TCTN2: variants seen among roughly 807,000 people sequenced by gnomAD.
The protein encoded by TCTN2 is tectonic family member 2, also known as tectonic-2.
Under a neutral mutation model 83.4 loss-of-function variants are expected in TCTN2, and 66 were observed. The ratio of observed to expected loss-of-function variants is 0.79; its 90% CI spans 0.65 to 0.97. The LOEUF is 0.97. Among genes scored for constraint, TCTN2 ranks in the 50% least tolerant of loss-of-function variants. TCTN2 has a pLI of 0.00. For synonymous variants in TCTN2, 301 were observed against 326.7 expected (o/e 0.92, Z 0.85); for missense variants, 794 against 858.1 (o/e 0.93, Z 0.93).
rs1335976509 is a variant in TCTN2 at position 123,673,704 on chromosome 12, C to A, written c.357C>A (p.Ile119=). ...ETDSFSESPC[I]LQTLLVSASH... ...ATTCCTTCTCAGAGTCCCCCTGTATCCTCCAGACCCTTCTGGTTTCAGCAT... is the reference window on the plus strand; with the variant it reads ...ATTCCTTCTCAGAGTCCCCCTGTATACTCCAGACCCTTCTGGTTTCAGCAT... Residue 119 remains isoleucine (I), a synonymous_variant, in exon 4 of 18, where the codon ATC becomes ATA. Transcript: ENST00000303372. 6.2e-7 allele frequency: 1 copy of A among 1,614,082 alleles called. No individual in the cohort carries two copies. The highest frequency in any genetic ancestry group is 8.5e-7 in the Non-Finnish European group (1 of 1,180,028).
chr12:123,699,903 C>A, intron 14 of TCTN2, 93 bp downstream of exon 14: 2 of 964,944 alleles, frequency 2.1e-6, no homozygotes, highest in Middle Eastern at 2.1e-4. Flanking sequence ...AGTAGGTCAT[C>A]TTCCTGAGGC....
At chr12:123,676,566 T>TAAAAA (rs60100973) in intron 4 of TCTN2, among the ~76,000 whole-genome samples, 1 of 60,720 alleles carries the variant, frequency 1.6e-5, no homozygotes, top group African/African-American at 6.3e-5. Flanking sequence ...AGACTCCATC[T>TAAAAA]AAAAAAAAAA....
In TCTN2 at chr12:123,678,517, A is replaced by C. The variant is rs1955852807; in HGVS notation, c.464-672A>C. Reference sequence around the variant, plus strand: ...TGGCCAGGCTGGTCTTGAACTCCTGACCTCAGGTGATCCACCCACCCTGGC... The same window carrying C: ...TGGCCAGGCTGGTCTTGAACTCCTGCCCTCAGGTGATCCACCCACCCTGGC... On this transcript the variant is annotated intron_variant, in intron 4 of 17. Transcript: ENST00000303372. Among the ~76,000 whole-genome samples the C allele has an allele frequency of 2.0e-5, 3 of 152,064 alleles. No individual in the cohort carries two copies. In the South Asian group the frequency reaches 6.2e-4, roughly 31 times the overall value.
chr12:123,696,171 T>G, intron 11 of TCTN2: 1 of 476,224 alleles, frequency 2.1e-6, no homozygotes, highest in Non-Finnish European at 3.8e-6. Flanking sequence ...GTGATAACAA[T>G]GTATTTTTTT....
chr12:123,698,682 T>C (rs1480694006), intron 13 of TCTN2, among the ~76,000 whole-genome samples: 1 of 152,082 alleles, frequency 6.6e-6, no homozygotes, highest in African/African-American at 2.4e-5. Flanking sequence ...CCTCCTGCCT[T>C]GGCCTCCCAA....
chr12:123,688,342 A>G (rs1324747308), intron 7 of TCTN2, among the ~76,000 whole-genome samples, 165 bp downstream of exon 7: 1 of 151,288 alleles, frequency 6.6e-6, no homozygotes, highest in Non-Finnish European at 1.5e-5. Flanking sequence ...CAGCCTCCCC[A>G]GTAGCTGGGA....
intron 11 of TCTN2, 121 bp from the exon 12 acceptor site, chr12:123,696,294 A>G: frequency 1.2e-6 from 1 of 808,350 alleles, no homozygotes; most frequent in Non-Finnish European, 2.2e-6. Context: ...TCTCAAGGGT[A>G]TTTTCGAAAG....
intron 4 of TCTN2, among the ~76,000 whole-genome samples, chr12:123,674,292 G>A (rs1221150578): frequency 6.6e-6 from 1 of 150,928 alleles, no homozygotes; most frequent in Non-Finnish European, 1.5e-5. Context: ...TTTTTTTTGA[G>A]ATGGAGTCTA....
intron 14 of TCTN2, 25 bp downstream of exon 14, chr12:123,699,835 A>G: frequency 6.3e-7 from 1 of 1,582,470 alleles, no homozygotes; most frequent in Non-Finnish European, 8.7e-7. Flanking sequence ...GGTACAATAA[A>G]GCCTGTAACT....
chr12:123,701,709 C>G (rs955121596), intron 14 of TCTN2, among the ~76,000 whole-genome samples: 17 of 151,228 alleles, frequency 1.1e-4, no homozygotes, highest in Non-Finnish European at 2.1e-4. Flanking sequence ...CGCCACTGCA[C>G]TCCAGCCTGG....
chr12:123,699,710 T>C lies in TCTN2; in HGVS notation c.1512T>C (p.Asn504=). ...INENCTQLRE[N]AVERLDSLIQ... ...ATGTCTTACTCTCTTGCAGGGAGAA[T>C]GCTGTTGAAAGACTTGATTCATTAA... Residue 504 remains asparagine, a synonymous_variant, in exon 14 of 18, where the codon AAT becomes AAC. Coordinates refer to ENST00000303372, the MANE Select transcript of TCTN2 (RefSeq NM_024809.5). 1 of 1,613,578 alleles carries C rather than the reference T, an allele frequency of 6.2e-7. No individual in the cohort carries two copies. The highest frequency in any genetic ancestry group is 8.5e-7 in the Non-Finnish European group (1 of 1,179,534).
chr12:123,686,082 G>A (rs759772252), intron 5 of TCTN2, among the ~76,000 whole-genome samples: 13 of 151,376 alleles, frequency 8.6e-5, no homozygotes, highest in Non-Finnish European at 1.9e-4. Context: ...GAATCTCACT[G>A]TGTTTCCCAG....
chr12:123,694,971 A>G lies in TCTN2; in HGVS notation c.1229A>G (p.Gln410Arg). 3 of 1,613,484 alleles carry G rather than the reference A, an allele frequency of 1.9e-6. No individual in the cohort carries two copies. Among genetic ancestry groups the G allele is most frequent in the Non-Finnish European group, 2.5e-6 (3 of 1,179,650 alleles). ...KIFRAEINAH[Q>R]KGIMTQRFVV... Reference sequence around the variant, plus strand: ...TTTAGGGCAGAGATTAATGCCCACCAGAAAGGTAACTTTGATGAGGGTAGC... The same window carrying G: ...TTTAGGGCAGAGATTAATGCCCACCGGAAAGGTAACTTTGATGAGGGTAGC... The change falls in exon 10 of 18, where the codon CAG (glutamine) becomes CGG (arginine). Residue 410 changes from glutamine (Q) to arginine (R), a missense_variant. By Grantham distance (43) the Gln-to-Arg change is conservative. Coordinates refer to ENST00000303372, the MANE Select transcript of TCTN2 (RefSeq NM_024809.5).
chr12:123,680,271 G>T (rs1955880770), intron 5 of TCTN2, among the ~76,000 whole-genome samples: 1 of 149,202 alleles, frequency 6.7e-6, no homozygotes, highest in African/African-American at 2.5e-5. Context: ...AGAATCGCTT[G>T]AACTAGGGAG....
At chr12:123,679,746 T>G (rs1303734119) in intron 5 of TCTN2, among the ~76,000 whole-genome samples, 3 of 146,714 alleles carry the variant, frequency 2.0e-5, no homozygotes, top group Non-Finnish European at 4.5e-5. Flanking sequence ...GTTTTTTTTT[T>G]TTTTTTTTTT....
At chr12:123,705,992 G>A (rs1469924792) in intron 15 of TCTN2, among the ~76,000 whole-genome samples, 2 of 151,894 alleles carry the variant, frequency 1.3e-5, no homozygotes, top group Non-Finnish European at 2.9e-5. Flanking sequence ...CCAACCTGAG[G>A]TGATCTGCCT....
At chr12:123,707,206 TGGAA>T in intron 17 of TCTN2, 133 bp downstream of exon 17, 1 of 783,426 alleles carries the variant, frequency 1.3e-6, no homozygotes, top group Non-Finnish European at 2.1e-6. Flanking sequence ...TATTGCCACT[TGGAA>T]GTGATCACCA....
intron 7 of TCTN2, among the ~76,000 whole-genome samples, chr12:123,689,347 C>T (rs555967397): frequency 6.6e-5 from 10 of 152,202 alleles, no homozygotes; most frequent in South Asian, 2.1e-4. Flanking sequence ...TGAGCCACCG[C>T]GCCCAGCCAA....
chr12:123,686,978 G>A lies in TCTN2; in HGVS notation c.707G>A (p.Cys236Tyr), dbSNP rs1267166699. ...GTCCCCGATTGGTTTCCCTTTCTGT[G>A]TGTGCAGTCCCCCCTTGCCAACACA... is the stretch of plus-strand genomic sequence containing the variant. ...RGVPDWFPFLCVQSPLANTPF... is the reference protein window; with the variant it reads ...RGVPDWFPFLYVQSPLANTPF... The change falls in exon 6 of 18, where the codon TGT becomes TAT. Residue 236 changes from cysteine (C) to tyrosine (Y), a missense_variant. Cys to Tyr is a radical substitution (Grantham distance 194, BLOSUM62 -2). Transcript: ENST00000303372. 1.7e-5 allele frequency: 28 copies of A among 1,614,020 alleles called. No individual in the cohort carries two copies. The highest frequency in any genetic ancestry group is 2.3e-5 in the Non-Finnish European group (27 of 1,180,040).
Sources: gnomAD v4.1 joint callset for allele counts (sites outside exome capture counted in the v4.1 genomes callset) on GRCh38, gnomAD v4.1.1 for gene constraint, MANE v1.5 for transcripts, NCBI Gene and HGNC (gene_info 2026-07-23, HGNC 2026-07-21) for gene names.